Variants in SKIC3 observed in about 807,000 individuals in gnomAD.
The protein encoded by SKIC3 is SKI3 subunit of superkiller complex.
chr5:95,527,457 T>G, the SKIC3 span, among the ~76,000 whole-genome samples: 1 of 152,190 alleles, frequency 6.6e-6, no homozygotes, highest in African/African-American at 2.4e-5. Context: ...CAATTTTAAT[T>G]TAGACCAGTA....
At chr5:95,554,415 A>G in the SKIC3 span, among the ~76,000 whole-genome samples, 5 of 152,216 alleles carry the variant, frequency 3.3e-5, no homozygotes, top group African/African-American at 4.8e-5. Context: ...CAGTCAAAAG[A>G]GACCGGTTTT....
At chr5:95,486,643 G>A in the SKIC3 span, among the ~76,000 whole-genome samples, 1 of 152,264 alleles carries the variant, frequency 6.6e-6, no homozygotes, top group East Asian at 1.9e-4. Context: ...CTGGGGCCTC[G>A]GGATTGCCCA....
chr5:95,540,821 T>C, the SKIC3 span: 3 of 1,614,098 alleles, frequency 1.9e-6, no homozygotes, highest in Non-Finnish European at 2.5e-6. Flanking sequence ...TTGTGCCATG[T>C]TCGAGCCACC....
chr5:95,552,396 C>T, the SKIC3 span, among the ~76,000 whole-genome samples: 1 of 152,142 alleles, frequency 6.6e-6, no homozygotes, highest in South Asian at 2.1e-4. Flanking sequence ...TCTCCCAATT[C>T]AATAAATTCT....
chr5:95,499,725 T>C, the SKIC3 span, among the ~76,000 whole-genome samples: 6 of 152,216 alleles, frequency 3.9e-5, no homozygotes, highest in African/African-American at 1.4e-4. Context: ...ATTTGCTCTA[T>C]GGTATTGAAA....
the SKIC3 span, among the ~76,000 whole-genome samples, chr5:95,481,398 A>G: frequency 6.6e-6 from 1 of 152,158 alleles, no homozygotes; most frequent in Non-Finnish European, 1.5e-5. Flanking sequence ...TCCTCCTTCC[A>G]TCATGATTGT....
At chr5:95,484,944 C>T in the SKIC3 span, 2 of 1,298,392 alleles carry the variant, frequency 1.5e-6, no homozygotes, top group Non-Finnish European at 2.2e-6. Context: ...GGCTTATCAT[C>T]CATACACAGT....
the SKIC3 span, among the ~76,000 whole-genome samples, chr5:95,533,275 G>A: frequency 3.4e-3 from 518 of 152,200 alleles, 9 homozygotes; most frequent in Admixed American, 0.025. Flanking sequence ...CAGGACAAAG[G>A]AGAATGAAAT....
At chr5:95,506,075 T>C in the SKIC3 span, among the ~76,000 whole-genome samples, 1 of 152,220 alleles carries the variant, frequency 6.6e-6, no homozygotes, top group Non-Finnish European at 1.5e-5. Flanking sequence ...ACACAATATC[T>C]GTCCTCTGCT....
chr5:95,503,780 A>G, the SKIC3 span: 3 of 1,611,986 alleles, frequency 1.9e-6, no homozygotes. Flanking sequence ...ACTCGACTCT[A>G]AATGTGTCCT....
the SKIC3 span, among the ~76,000 whole-genome samples, chr5:95,502,496 T>G: frequency 1.3e-5 from 2 of 152,204 alleles, no homozygotes; most frequent in Non-Finnish European, 2.9e-5. Flanking sequence ...TACCTTTAAA[T>G]GAACCTTTTA....
At chr5:95,544,241 T>C in the SKIC3 span, among the ~76,000 whole-genome samples, 7 of 152,272 alleles carry the variant, frequency 4.6e-5, no homozygotes, top group African/African-American at 1.7e-4. Flanking sequence ...TCATAGCACC[T>C]GCTCCAAGAT....
At chr5:95,476,102 G>C in the SKIC3 span, among the ~76,000 whole-genome samples, 1 of 152,200 alleles carries the variant, frequency 6.6e-6, no homozygotes, top group Non-Finnish European at 1.5e-5. Context: ...TTCTGGACTG[G>C]CCCTGCAAAG....
At chr5:95,511,148 C>T in the SKIC3 span, among the ~76,000 whole-genome samples, 9 of 152,206 alleles carry the variant, frequency 5.9e-5, no homozygotes, top group Admixed American at 2.0e-4. Context: ...CAGTGGCTCA[C>T]GCCTGTAATC....
the SKIC3 span, among the ~76,000 whole-genome samples, chr5:95,467,057 A>G: frequency 6.6e-6 from 1 of 152,194 alleles, no homozygotes; most frequent in African/African-American, 2.4e-5. Flanking sequence ...AGATGGTCAT[A>G]TATTTGTATT....
chr5:95,485,394 T>TAA, the SKIC3 span, among the ~76,000 whole-genome samples: 4 of 152,230 alleles, frequency 2.6e-5, no homozygotes, highest in African/African-American at 9.6e-5. Context: ...TCATATAGTA[T>TAA]AAACTCTTTG....
the SKIC3 span, chr5:95,524,505 G>C: frequency 1.2e-6 from 2 of 1,613,514 alleles, no homozygotes; most frequent in Non-Finnish European, 8.5e-7. Flanking sequence ...ATCTTTTCTT[G>C]TCTCTTCACC....
the SKIC3 span, among the ~76,000 whole-genome samples, chr5:95,485,253 CTT>C: frequency 4.6e-5 from 7 of 152,170 alleles, no homozygotes; most frequent in Non-Finnish European, 2.9e-5. Flanking sequence ...AAATTTTCCT[CTT>C]GTCCCTTTGT....
chr5:95,517,006 A>C, the SKIC3 span: 9 of 1,613,514 alleles, frequency 5.6e-6, no homozygotes, highest in Non-Finnish European at 7.6e-6. Context: ...AATTAATTCC[A>C]AGGTCACACC....
Sources: gnomAD v4.1 joint callset for allele counts (sites outside exome capture counted in the v4.1 genomes callset) on GRCh38, gnomAD v4.1.1 for gene constraint, MANE v1.5 for transcripts, NCBI Gene and HGNC (gene_info 2026-07-23, HGNC 2026-07-21) for gene names.